MYRIP: variants seen among roughly 807,000 people sequenced by gnomAD.
The protein encoded by MYRIP is myosin VIIA and Rab interacting protein.
MYRIP carries 49 observed loss-of-function variants against 98.0 expected under a neutral mutation model. The ratio of observed to expected loss-of-function variants is 0.50; its 90% confidence interval spans 0.40 to 0.63. The LOEUF (loss-of-function observed/expected upper bound fraction) is 0.63. MYRIP is among the 30% of genes least tolerant of loss of function. The probability of loss-of-function intolerance (pLI) is 0.00; values close to 1 mark genes in which losing one functional copy is unlikely to be tolerated. For missense variants in MYRIP, 1,004 were observed against 1,058.2 expected (o/e 0.95, Z 0.71); for synonymous variants, 404 against 409.5 (o/e 0.99, Z 0.16).
At chr3:39,995,851 T>C in intron 2 of MYRIP, among the ~76,000 whole-genome samples, 1 of 152,204 alleles carries the variant, frequency 6.6e-6, no homozygotes, top group Non-Finnish European at 1.5e-5. Context: ...GCAGAAACTC[T>C]ACAAGCCAGA....
intron 3 of MYRIP, among the ~76,000 whole-genome samples, chr3:40,128,079 T>A (rs1478125119): frequency 6.6e-6 from 1 of 152,238 alleles, no homozygotes; most frequent in African/African-American, 2.4e-5. Context: ...AATCTTCTAA[T>A]TCTGTATTCT....
intron 2 of MYRIP, among the ~76,000 whole-genome samples, chr3:39,923,003 A>G (rs1308024394): frequency 6.6e-6 from 1 of 152,224 alleles, no homozygotes; most frequent in Non-Finnish European, 1.5e-5. Context: ...GGAAGTACAA[A>G]GTCTCCGCGA....
chr3:40,055,409 C>G (rs1947864691), intron 3 of MYRIP, among the ~76,000 whole-genome samples: 1 of 152,160 alleles, frequency 6.6e-6, no homozygotes, highest in African/African-American at 2.4e-5. Flanking sequence ...ATAGGTAATG[C>G]TCCTCATTTA....
At position 39,823,532 on chromosome 3, in the gene MYRIP, T is replaced by C. The variant is rs915458011; in HGVS notation, c.-31+13616T>C. 5.9e-5 allele frequency among the ~76,000 whole-genome samples: 9 copies of C among 152,342 alleles called. No individual in the cohort carries two copies. The East Asian group carries it at 7.7e-4, about 13-fold the overall frequency. ...CAGCATTTGTTATTTTTTGTCTTTT[T>C]GATAATAGCCATCCTAACTGGGGTA... On this transcript the variant is annotated intron_variant, in intron 1 of 16. Coordinates refer to ENST00000302541, the MANE Select transcript of MYRIP (RefSeq NM_015460.4).
intron 3 of MYRIP, among the ~76,000 whole-genome samples, chr3:40,096,192 G>A (rs918220115): frequency 1.5e-4 from 23 of 152,014 alleles, no homozygotes; most frequent in African/African-American, 5.6e-4. Flanking sequence ...CTAAACCGGT[G>A]TTCCATCCTC....
chr3:40,017,618 C>T (rs1257453752), intron 2 of MYRIP, among the ~76,000 whole-genome samples: 3 of 151,808 alleles, frequency 2.0e-5, no homozygotes, highest in African/African-American at 4.8e-5. Flanking sequence ...TGAACAATTT[C>T]CTAAATTCAT....
chr3:39,981,590 T>C (rs1246967192), intron 2 of MYRIP, among the ~76,000 whole-genome samples: 1 of 152,134 alleles, frequency 6.6e-6, no homozygotes, highest in Non-Finnish European at 1.5e-5. Flanking sequence ...ATTACTCCCT[T>C]TTCATGTTGT....
chr3:40,255,686 T>C (rs1411548654), intron 16 of MYRIP, among the ~76,000 whole-genome samples: 1 of 152,168 alleles, frequency 6.6e-6, no homozygotes, highest in African/African-American at 2.4e-5. Context: ...CTTGATTGAT[T>C]TGGCAGATAG....
chr3:40,238,500 A>C (rs1559470833), intron 12 of MYRIP: 1 of 152,208 alleles, frequency 6.6e-6, no homozygotes, highest in Admixed American at 6.5e-5. Context: ...CAGAAATAGA[A>C]ACGGTGACAC....
Position 40,084,706 on chromosome 3 carries a change from T to A in MYRIP, c.332+40435T>A, listed in dbSNP as rs66504781. Among the ~76,000 whole-genome samples the A allele has an allele frequency of 2.7e-3, 240 of 87,664 alleles. 30 individuals are homozygous for A. Among genetic ancestry groups the A allele is most frequent in the South Asian group, 4.2e-3 (9 of 2,160 alleles). 57.5% of individuals were successfully genotyped at this position (87,664 alleles called of 152,430 possible). A position where few individuals can be genotyped will look rare whatever the true frequency, so the allele number is the denominator to read the frequency against. On this transcript the variant is annotated intron_variant, in intron 3 of 16. Coordinates refer to ENST00000302541, the MANE Select transcript of MYRIP (RefSeq NM_015460.4). ...TATCTATGTATTACATATCGATAGA[T>A]AATATGTATCTATGTATTACATGTC... is the stretch of plus-strand genomic sequence containing the variant.
chr3:39,886,768 TAGAC>T (rs2125652351), intron 1 of MYRIP, among the ~76,000 whole-genome samples: 1 of 151,564 alleles, frequency 6.6e-6, no homozygotes, highest in African/African-American at 2.4e-5. Flanking sequence ...CTGTCAACAT[TAGAC>T]AGATCAACGA....
chr3:40,098,352 A>G (rs1255233329), intron 3 of MYRIP, among the ~76,000 whole-genome samples: 1 of 152,192 alleles, frequency 6.6e-6, no homozygotes, highest in African/African-American at 2.4e-5. Flanking sequence ...AATACATTCC[A>G]TAAAAGTGTG....
chr3:40,050,879 A>G (rs1248697794), intron 3 of MYRIP, among the ~76,000 whole-genome samples: 2 of 152,178 alleles, frequency 1.3e-5, no homozygotes, highest in Non-Finnish European at 2.9e-5. Context: ...ATGTGATAGA[A>G]ATAGCAAGAG....
At chr3:40,060,969 A>T (rs938002977) in intron 3 of MYRIP, among the ~76,000 whole-genome samples, 32 of 152,368 alleles carry the variant, frequency 2.1e-4, no homozygotes, top group African/African-American at 7.0e-4. Context: ...TTTCATTATA[A>T]TTCAACAGGA....
intron 2 of MYRIP, among the ~76,000 whole-genome samples, chr3:39,935,312 G>A (rs1944633174): frequency 6.6e-6 from 1 of 152,202 alleles, no homozygotes; most frequent in Non-Finnish European, 1.5e-5. Context: ...AAACACTGGA[G>A]CACAAGGCAG....
At chr3:40,155,557 G>T (rs939806092) in intron 4 of MYRIP, among the ~76,000 whole-genome samples, 1 of 151,890 alleles carries the variant, frequency 6.6e-6, no homozygotes, top group African/African-American at 2.4e-5. Flanking sequence ...GATCCCTGAG[G>T]AATTGCCACA....
At chr3:40,072,108 A>G (rs1948244243) in intron 3 of MYRIP, among the ~76,000 whole-genome samples, 1 of 152,254 alleles carries the variant, frequency 6.6e-6, no homozygotes, top group Non-Finnish European at 1.5e-5. Flanking sequence ...CCGGATGCAG[A>G]AAGTAGGCTG....
chr3:39,987,529 G>C lies in MYRIP; in HGVS notation c.111-56521G>C, dbSNP rs182416890. Among the ~76,000 whole-genome samples the C allele has an allele frequency of 4.0e-4, 61 of 152,260 alleles. 1 individual carries two copies. The highest frequency in any genetic ancestry group is 1.3e-3 in the African/African-American group (54 of 41,546). On this transcript the variant is annotated intron_variant, in intron 2 of 16. Transcript: ENST00000302541. ...CCTTTGGTTATATACCCAGTAATGA[G>C]ATTGCTGGGTCAAATGGTATGTCTG...
At chr3:40,218,430 CAT>C (rs1462065376) in intron 11 of MYRIP, among the ~76,000 whole-genome samples, 1 of 151,536 alleles carries the variant, frequency 6.6e-6, no homozygotes, top group Non-Finnish European at 1.5e-5. Flanking sequence ...TATAAAGAGA[CAT>C]AAGGGAATTT....
Sources: gnomAD v4.1 joint callset for allele counts (sites outside exome capture counted in the v4.1 genomes callset) on GRCh38, gnomAD v4.1.1 for gene constraint, MANE v1.5 for transcripts, NCBI Gene and HGNC (gene_info 2026-07-23, HGNC 2026-07-21) for gene names.